The following PTPRD variants were observed in gnomAD, a reference collection of about 807,000 sequenced individuals.
The protein encoded by PTPRD is protein tyrosine phosphatase receptor type D.
A neutral mutation model predicts 214.5 loss-of-function variants in PTPRD; 34 were observed. The observed-to-expected ratio is 0.16, with a 90% CI of 0.12 to 0.21. PTPRD has a LOEUF of 0.21. Ranked by LOEUF, PTPRD falls within the 10% of genes least tolerant of loss-of-function variation. The pLI, the probability that PTPRD is intolerant of heterozygous loss-of-function variation, is 1.00. For synonymous variants in PTPRD, 1,128 were observed against 845.7 expected (o/e 1.33, Z -5.79); for missense variants, 2,545 against 2,398.7 (o/e 1.06, Z -1.27).
Position 9,845,158 on chromosome 9 carries a change from ATAGAG to A in PTPRD, c.-367-78312_-367-78308del, listed in dbSNP as rs2059268021. Among the ~76,000 whole-genome samples the A allele has an allele frequency of 5.3e-4, 7 of 13,214 alleles. 2 individuals carry two copies. In the South Asian group the frequency reaches 0.013, roughly 24 times the overall value. The allele number at this position is 13,214 out of a possible 152,430, so 8.7% of individuals were successfully genotyped here. A position where few individuals can be genotyped will look rare whatever the true frequency, so the allele number is the denominator to read the frequency against. ...AATATATATATATATTGCTCTATAT[ATAGAG>A]CAATATATATATATATATTGCTCTA... On this transcript the variant is annotated intron_variant, in intron 5 of 45. Coordinates refer to ENST00000381196, the MANE Select transcript of PTPRD (RefSeq NM_002839.4).
chr9:10,051,003 A>G (rs2097526581), intron 3 of PTPRD, among the ~76,000 whole-genome samples: 2 of 152,154 alleles, frequency 1.3e-5, no homozygotes, highest in South Asian at 4.1e-4. Context: ...AATATATATT[A>G]TCCCATGCTA....
intron 14 of PTPRD, among the ~76,000 whole-genome samples, chr9:8,607,961 T>G (rs1444885132): frequency 6.6e-6 from 1 of 152,160 alleles, no homozygotes; most frequent in African/African-American, 2.4e-5. Context: ...TCTATTCAAG[T>G]TAACATGGAG....
intron 5 of PTPRD, among the ~76,000 whole-genome samples, chr9:9,829,384 A>G (rs1283151802): frequency 6.6e-6 from 1 of 151,886 alleles, no homozygotes; most frequent in East Asian, 1.9e-4. Flanking sequence ...AAGCTTTTAT[A>G]GTGAAATCTG....
chr9:9,964,013 GTA>G (rs2094519032), intron 4 of PTPRD, among the ~76,000 whole-genome samples: 1 of 135,124 alleles, frequency 7.4e-6, no homozygotes, highest in Non-Finnish European at 1.7e-5. Flanking sequence ...TTTAAAATGT[GTA>G]TGAGTCAGAG....
chr9:8,918,732 T>C (rs974551632), intron 11 of PTPRD, among the ~76,000 whole-genome samples: 11 of 152,170 alleles, frequency 7.2e-5, no homozygotes, highest in African/African-American at 2.2e-4. Context: ...AAATATTGTA[T>C]ATTTCAGATA....
intron 43 of PTPRD, among the ~76,000 whole-genome samples, chr9:8,338,462 A>G (rs1157106736): frequency 6.6e-6 from 1 of 152,084 alleles, no homozygotes; most frequent in Non-Finnish European, 1.5e-5. Context: ...AGATTTTTCT[A>G]AAGAATGCCA....
At chr9:9,780,471 G>T (rs1420229019) in intron 5 of PTPRD, among the ~76,000 whole-genome samples, 1 of 152,156 alleles carries the variant, frequency 6.6e-6, no homozygotes, top group Non-Finnish European at 1.5e-5. Context: ...CACCAAAGAA[G>T]ATATATAGAT....
At chr9:9,366,317 G>C (rs1196364070) in intron 9 of PTPRD, among the ~76,000 whole-genome samples, 2 of 151,422 alleles carry the variant, frequency 1.3e-5, no homozygotes, top group Non-Finnish European at 3.0e-5. Flanking sequence ...TTTCTCCTTT[G>C]AAAAGTATTG....
intron 12 of PTPRD, among the ~76,000 whole-genome samples, chr9:8,689,405 C>T (rs1470899966): frequency 1.3e-5 from 2 of 152,054 alleles, no homozygotes; most frequent in Admixed American, 6.6e-5. Flanking sequence ...GAAGACACAC[C>T]CAAGACTGGG....
chr9:9,528,948 T>G (rs1007168482), intron 8 of PTPRD, among the ~76,000 whole-genome samples: 1 of 150,580 alleles, frequency 6.6e-6, no homozygotes, highest in Non-Finnish European at 1.5e-5. Context: ...CTTTTTTTTT[T>G]TTTTTTTTGA....
rs79460709 is a variant in PTPRD at position 9,235,647 on chromosome 9, A to G, written c.-202-52284T>C. Among the ~76,000 whole-genome samples the G allele has an allele frequency of 1.6e-4, 24 of 152,316 alleles. 1 individual carries two copies. In the East Asian group the frequency reaches 4.7e-3, roughly 30 times the overall value. ...TGAGACACCTGACTCACTTTGGAACATACTGGTGTTATTCTCAGACAACCA... is the reference window on the plus strand; with the variant it reads ...TGAGACACCTGACTCACTTTGGAACGTACTGGTGTTATTCTCAGACAACCA... On this transcript the variant is annotated intron_variant, in intron 9 of 45. Transcript: ENST00000381196.
At chr9:8,356,810 C>T (rs991344849) in intron 39 of PTPRD, among the ~76,000 whole-genome samples, 6 of 152,054 alleles carry the variant, frequency 3.9e-5, no homozygotes, top group East Asian at 1.9e-4. Flanking sequence ...TAACTAAATA[C>T]GTGTGCATAA....
chr9:9,963,584 G>C (rs1048922395), intron 4 of PTPRD, among the ~76,000 whole-genome samples: 1 of 152,142 alleles, frequency 6.6e-6, no homozygotes, highest in Non-Finnish European at 1.5e-5. Context: ...AGAGTTTATT[G>C]TCATAAAAAA....
intron 11 of PTPRD, among the ~76,000 whole-genome samples, chr9:8,817,244 C>T (rs1434274): frequency 0.71 from 107,357 of 152,076 alleles, 38,356 homozygotes; most frequent in African/African-American, 0.81. Context: ...TTTAATGAAC[C>T]TTAGTAATCT....
intron 14 of PTPRD, among the ~76,000 whole-genome samples, chr9:8,552,073 C>T (rs1053254074): frequency 6.6e-6 from 1 of 152,166 alleles, no homozygotes; most frequent in African/African-American, 2.4e-5. Context: ...TATCAATGAC[C>T]TGGACCAGAG....
At chr9:9,593,218 T>TCCC (rs1002392084) in intron 7 of PTPRD, among the ~76,000 whole-genome samples, 3 of 148,780 alleles carry the variant, frequency 2.0e-5, no homozygotes, top group Admixed American at 6.7e-5. Flanking sequence ...TTTTTGTTTT[T>TCCC]CCCCCCCCTC....
intron 11 of PTPRD, among the ~76,000 whole-genome samples, chr9:8,985,378 C>T (rs2099336213): frequency 6.6e-6 from 1 of 151,936 alleles, no homozygotes; most frequent in African/African-American, 2.4e-5. Flanking sequence ...TGATACTTAA[C>T]CTTTAATAAA....
intron 2 of PTPRD, among the ~76,000 whole-genome samples, chr9:10,546,644 G>A (rs1394728538): frequency 6.6e-6 from 1 of 151,998 alleles, no homozygotes; most frequent in Non-Finnish European, 1.5e-5. Context: ...TGCCTTTCTA[G>A]GAGAGGATCC....
intron 2 of PTPRD, among the ~76,000 whole-genome samples, chr9:10,363,778 A>G (rs960413965): frequency 1.3e-5 from 2 of 152,088 alleles, no homozygotes; most frequent in African/African-American, 4.8e-5. Flanking sequence ...TTTTTTTGCA[A>G]TGAAAAGGTC....
Sources: gnomAD v4.1 joint callset for allele counts (sites outside exome capture counted in the v4.1 genomes callset) on GRCh38, gnomAD v4.1.1 for gene constraint, MANE v1.5 for transcripts, NCBI Gene and HGNC (gene_info 2026-07-23, HGNC 2026-07-21) for gene names.